Variants in TMPRSS4 observed in about 807,000 individuals in gnomAD.
The protein encoded by TMPRSS4 is transmembrane protease serine 4.
Under a neutral mutation model 56.4 loss-of-function variants are expected in TMPRSS4, and 45 were observed. The ratio of observed to expected loss-of-function variants is 0.80; its 90% CI spans 0.63 to 1.02. The LOEUF is 1.02. Among genes scored for constraint, TMPRSS4 ranks in the 50% least tolerant of loss-of-function variants. TMPRSS4 has a pLI of 0.00. For missense variants in TMPRSS4, 546 were observed against 556.7 expected (o/e 0.98, Z 0.19); for synonymous variants, 205 against 211.0 (o/e 0.97, Z 0.25).
rs1476052054 is a variant in TMPRSS4 at position 118,119,898 on chromosome 11, T to C, written c.*1985T>C. 6.6e-6 allele frequency: 1 copy of C among 152,240 alleles called. No homozygotes were observed. Among genetic ancestry groups the C allele is most frequent in the African/African-American group, 2.4e-5 (1 of 41,460 alleles). 9.4% of individuals were successfully genotyped at this position (152,240 alleles called of 1,614,324 possible). ...ACACAAGTTGCCATCTTCACCATTT[T>C]TAGGTGTATAGTTCAGTGGTGTTAT... On this transcript the variant is annotated 3_prime_UTR_variant, in exon 13 of 13. Transcript: ENST00000437212.
At chr11:118,088,477 A>G (rs1945734942) in intron 1 of TMPRSS4, among the ~76,000 whole-genome samples, 1 of 152,128 alleles carries the variant, frequency 6.6e-6, no homozygotes, top group Non-Finnish European at 1.5e-5. Context: ...GTGATTGAAC[A>G]CCCACCCACT....
Position 118,114,938 on chromosome 11 carries a change from G to C in TMPRSS4, c.1009+11G>C, listed in dbSNP as rs376616222. 250 of 1,591,456 alleles carry C rather than the reference G, an allele frequency of 1.6e-4. No individual in the cohort carries two copies. Among genetic ancestry groups the C allele is most frequent in the Middle Eastern group, 1.0e-3 (6 of 5,826 alleles). ...CGAAGCAGAATGGAGGTAAGTCCTG[G>C]GTGCAGGACCACAGGGCAGGAGATG... On this transcript the variant is annotated intron_variant, in intron 10 of 12. Transcript: ENST00000437212.
chr11:118,104,586 C>T, intron 4 of TMPRSS4, 105 bp from the exon 5 acceptor site: 1 of 1,554,774 alleles, frequency 6.4e-7, no homozygotes. Flanking sequence ...TGTGGCACCC[C>T]CAGTTCTAGG....
chr11:118,087,495 G>A (rs1591353051), intron 1 of TMPRSS4: 1 of 152,164 alleles, frequency 6.6e-6, no homozygotes, highest in Non-Finnish European at 1.5e-5. Context: ...TTACCCAAAG[G>A]GATCTTGAGG....
At chr11:118,102,854 C>T in intron 3 of TMPRSS4, 1 of 493,378 alleles carries the variant, frequency 2.0e-6, no homozygotes, top group Non-Finnish European at 3.6e-6. Flanking sequence ...CTGTTTCTCC[C>T]ACACACGTGA....
chr11:118,086,691 A>T (rs1264001550), intron 1 of TMPRSS4: 1 of 153,188 alleles, frequency 6.5e-6, no homozygotes, highest in East Asian at 1.9e-4. Flanking sequence ...TCATCTCAGG[A>T]AACTCACTCC....
chr11:118,099,878 C>G (rs543932610), intron 3 of TMPRSS4, among the ~76,000 whole-genome samples: 1 of 152,158 alleles, frequency 6.6e-6, no homozygotes, highest in Non-Finnish European at 1.5e-5. Flanking sequence ...CTTGAGCAGG[C>G]CTCTCTGCCT....
At chr11:118,099,935 T>C (rs1314115617) in intron 3 of TMPRSS4, among the ~76,000 whole-genome samples, 1 of 152,176 alleles carries the variant, frequency 6.6e-6, no homozygotes, top group Non-Finnish European at 1.5e-5. Context: ...GGAGCAGGGA[T>C]GTGGGTCCTT....
downstream of TMPRSS4, among the ~76,000 whole-genome samples, chr11:118,124,146 G>A (rs1459751253): frequency 6.6e-6 from 1 of 152,068 alleles, no homozygotes; most frequent in Non-Finnish European, 1.5e-5. Context: ...CAGCACTTTG[G>A]GAGGCCGAGT....
Position 118,081,166 on chromosome 11 carries a change from C to T in TMPRSS4, c.3+3861C>T, listed in dbSNP as rs528833275. ...TAATCAAAGACAGAATCCCCTATAA[C>T]CAATTTCTGATTTATCTGACACTGA... On this transcript the variant is annotated intron_variant, in intron 1 of 12. Coordinates refer to ENST00000437212, the MANE Select transcript of TMPRSS4 (RefSeq NM_019894.4). Among the ~76,000 whole-genome samples the T allele has an allele frequency of 3.9e-4, 59 of 152,230 alleles. No homozygotes were observed. In the South Asian group the frequency reaches 4.1e-3, roughly 11 times the overall value.
At chr11:118,084,836 A>G (rs1278624966) in intron 1 of TMPRSS4, among the ~76,000 whole-genome samples, 1 of 152,236 alleles carries the variant, frequency 6.6e-6, no homozygotes, top group African/African-American at 2.4e-5. Context: ...AAAATTTATT[A>G]ACTTGCTCAA....
At position 118,112,001 on chromosome 11, in the gene TMPRSS4, C is replaced by T. The variant is rs972950873; in HGVS notation, c.743+101C>T. 4 of 1,476,440 alleles carry T rather than the reference C, an allele frequency of 2.7e-6. No homozygotes were observed. In the African/African-American group the frequency reaches 5.9e-5, roughly 22 times the overall value. 91.5% of individuals were successfully genotyped at this position (1,476,440 alleles called of 1,614,324 possible). A position where few individuals can be genotyped will look rare whatever the true frequency, so the allele number is the denominator to read the frequency against. ...TGGCACCGTCCTTCTCTTCACTCTCCCACTAGAGACGTTTTCCAGGTTGTG... is the reference window on the plus strand; with the variant it reads ...TGGCACCGTCCTTCTCTTCACTCTCTCACTAGAGACGTTTTCCAGGTTGTG... On this transcript the variant is annotated intron_variant, in intron 8 of 12. Transcript: ENST00000437212.
chr11:118,094,772 C>A (rs1460968231), intron 1 of TMPRSS4, 44 bp from the exon 2 acceptor site: 2 of 1,589,232 alleles, frequency 1.3e-6, no homozygotes, highest in Non-Finnish European at 1.7e-6. Context: ...TAGCCCCAGC[C>A]TGAGAGGCTC....
chr11:118,116,705 G>A (rs1947568862), intron 11 of TMPRSS4, among the ~76,000 whole-genome samples: 1 of 139,490 alleles, frequency 7.2e-6, no homozygotes, highest in African/African-American at 2.7e-5. Flanking sequence ...GTTAAACAAT[G>A]ATAACCAGGC....
Position 118,077,419 on chromosome 11 carries a change from T to TA in TMPRSS4, c.3+121dup, listed in dbSNP as rs34249547. On this transcript the variant is annotated intron_variant, in intron 1 of 12. Transcript: ENST00000437212. ...GAGAATTCTGTGACACCTTCTAGGT[T>TA]AAAAAAAGAGGCCACACCCAAATCC... The TA allele has an allele frequency of 2.1e-4, 279 of 1,313,638 alleles. 3 individuals are homozygous for TA. The East Asian group carries it at 6.1e-3, about 29-fold the overall frequency. 81.4% of individuals were successfully genotyped at this position (1,313,638 alleles called of 1,614,324 possible).
At chr11:118,122,169 G>C (rs1358477003), downstream of TMPRSS4, among the ~76,000 whole-genome samples, 2 of 152,096 alleles carry the variant, frequency 1.3e-5, no homozygotes, top group South Asian at 2.1e-4. Flanking sequence ...ATACAAAGTA[G>C]GATAGTGAAA....
intron 8 of TMPRSS4, among the ~76,000 whole-genome samples, 166 bp from the exon 9 acceptor site, chr11:118,113,103 A>G (rs1334726621): frequency 6.6e-6 from 1 of 151,984 alleles, no homozygotes; most frequent in East Asian, 1.9e-4. Context: ...GACTTCTTGT[A>G]AGTGCCAGAA....
At chr11:118,124,502 TTTA>T (rs1565447616), downstream of TMPRSS4, among the ~76,000 whole-genome samples, 2 of 152,242 alleles carry the variant, frequency 1.3e-5, no homozygotes, top group African/African-American at 4.8e-5. Flanking sequence ...GGAATAGATT[TTTA>T]TTATTCTTTT....
At position 118,077,203 on chromosome 11, in the gene TMPRSS4, G is replaced by A; in HGVS notation, c.-100G>A. On this transcript the variant is annotated 5_prime_UTR_variant, in exon 1 of 13. Transcript: ENST00000437212. ...AGTGCTGACCAGGGACTTCTGACCT[G>A]CTGGCCAGCCAGGACCTGTGTGGGG... The A allele has an allele frequency of 6.6e-7, 1 of 1,504,810 alleles. No individual in the cohort carries two copies. Among genetic ancestry groups the A allele is most frequent in the Admixed American group, 2.0e-5 (1 of 50,324 alleles). 93.2% of individuals were successfully genotyped at this position (1,504,810 alleles called of 1,614,324 possible). A position where few individuals can be genotyped will look rare whatever the true frequency, so the allele number is the denominator to read the frequency against.
Sources: gnomAD v4.1 joint callset for allele counts (sites outside exome capture counted in the v4.1 genomes callset) on GRCh38, gnomAD v4.1.1 for gene constraint, MANE v1.5 for transcripts, NCBI Gene and HGNC (gene_info 2026-07-23, HGNC 2026-07-21) for gene names.